Variants in ZMIZ1 observed in about 807,000 individuals in gnomAD.
ZMIZ1 encodes the protein zinc finger MIZ-type containing 1.
ZMIZ1 carries 17 observed loss-of-function variants against 113.9 expected under a neutral mutation model. The observed-to-expected ratio is 0.15, with a 90% confidence interval of 0.10 to 0.22. The LOEUF is 0.22. ZMIZ1 is among the 10% of genes least tolerant of loss of function. The pLI is 1.00. For synonymous variants in ZMIZ1, 607 were observed against 603.1 expected (o/e 1.01, Z -0.09); for missense variants, 1,059 against 1,477.8 (o/e 0.72, Z 4.65).
intron 1 of ZMIZ1, among the ~76,000 whole-genome samples, chr10:79,084,511 A>G (rs1842748363): frequency 6.6e-6 from 1 of 152,248 alleles, no homozygotes; most frequent in African/African-American, 2.4e-5. Context: ...GGATCAACCC[A>G]AGATGGCCAT....
At chr10:79,311,881 A>G (rs894779437) in intron 24 of ZMIZ1, among the ~76,000 whole-genome samples, 1 of 152,108 alleles carries the variant, frequency 6.6e-6, no homozygotes, top group Non-Finnish European at 1.5e-5. Context: ...AGCTGGTGCC[A>G]GACTCCGGGA....
In ZMIZ1 at chr10:79,307,538, C is replaced by T. The variant is rs151147481; in HGVS notation, c.2802C>T (p.Leu934=). The T allele has an allele frequency of 1.2e-3, 1,998 of 1,611,904 alleles. 15 individuals carry two copies. The highest frequency in any genetic ancestry group is 8.3e-3 in the South Asian group (754 of 90,948). ...PPDMPNNMAA[L]EKPLSHPMQE... is the part of the protein sequence containing the mutation. ...ACATGCCCAACAACATGGCCGCCCT[C>T]GAGAAACCCCTCAGCCACCCCATGC... The change falls in exon 23 of 25, where the codon CTC becomes CTT. Residue 934 remains leucine (L), a synonymous_variant. Transcript: ENST00000334512.
chr10:79,167,298 A>C (rs1846397194), intron 4 of ZMIZ1, among the ~76,000 whole-genome samples: 1 of 152,188 alleles, frequency 6.6e-6, no homozygotes. Context: ...GATATTTTAC[A>C]TTCTTCATCA....
chr10:79,311,720 G>C (rs1046381545), intron 24 of ZMIZ1, among the ~76,000 whole-genome samples: 1 of 152,128 alleles, frequency 6.6e-6, no homozygotes, highest in Non-Finnish European at 1.5e-5. Flanking sequence ...GTCACAGCCA[G>C]GGGCAGCAGG....
chr10:79,179,547 T>G (rs945023126), intron 4 of ZMIZ1, among the ~76,000 whole-genome samples: 1 of 152,236 alleles, frequency 6.6e-6, no homozygotes, highest in South Asian at 2.1e-4. Flanking sequence ...CCCAGCCACA[T>G]GCCCACTGTG....
intron 5 of ZMIZ1, among the ~76,000 whole-genome samples, chr10:79,205,242 A>T (rs1848267338): frequency 6.6e-6 from 1 of 152,188 alleles, no homozygotes; most frequent in African/African-American, 2.4e-5. Flanking sequence ...TCTGCCTATG[A>T]TTCAAACATG....
chr10:79,218,614 TC>T (rs1848835643), intron 7 of ZMIZ1, among the ~76,000 whole-genome samples: 1 of 151,714 alleles, frequency 6.6e-6, no homozygotes, highest in African/African-American at 2.4e-5. Context: ...TGTCTGTCTG[TC>T]TGTCTGTGTA....
At chr10:79,286,716 G>T (rs913926207) in intron 8 of ZMIZ1, among the ~76,000 whole-genome samples, 18 of 152,264 alleles carry the variant, frequency 1.2e-4, no homozygotes, top group Admixed American at 9.8e-4. Flanking sequence ...GACAAAACAG[G>T]AAGGAGCTGG....
intron 2 of ZMIZ1, among the ~76,000 whole-genome samples, chr10:79,134,138 G>C (rs895273870): frequency 5.9e-5 from 9 of 152,184 alleles, no homozygotes; most frequent in Non-Finnish European, 1.2e-4. Context: ...AGGCCCACCT[G>C]GGGGGTTCGA....
intron 4 of ZMIZ1, among the ~76,000 whole-genome samples, chr10:79,171,378 G>A (rs1332297275): frequency 1.3e-5 from 2 of 152,210 alleles, no homozygotes; most frequent in Non-Finnish European, 2.9e-5. Context: ...CCAGAGCTTT[G>A]TCTCCTTCCT....
At chr10:79,286,669 G>A (rs1419746077) in intron 8 of ZMIZ1, among the ~76,000 whole-genome samples, 1 of 152,250 alleles carries the variant, frequency 6.6e-6, no homozygotes. Context: ...TGGGAACGTT[G>A]GTTAGCTTTG....
intron 4 of ZMIZ1, among the ~76,000 whole-genome samples, chr10:79,172,581 C>G (rs1846645414): frequency 1.3e-5 from 2 of 152,326 alleles, no homozygotes; most frequent in South Asian, 4.1e-4. Flanking sequence ...TAGACAAAGT[C>G]TCCAGGTGCA....
intron 2 of ZMIZ1, among the ~76,000 whole-genome samples, chr10:79,126,064 C>T (rs765758400): frequency 7.9e-5 from 12 of 152,162 alleles, no homozygotes; most frequent in Non-Finnish European, 1.6e-4. Flanking sequence ...CACGGGAACC[C>T]GCAGACCTGG....
At chr10:79,233,492 A>G (rs1849475338) in intron 7 of ZMIZ1, among the ~76,000 whole-genome samples, 2 of 152,250 alleles carry the variant, frequency 1.3e-5, no homozygotes, top group Admixed American at 1.3e-4. Context: ...CACTGGTCCC[A>G]TTCATGAAGG....
chr10:79,253,840 A>G (rs755519142), intron 7 of ZMIZ1, among the ~76,000 whole-genome samples: 1 of 152,142 alleles, frequency 6.6e-6, no homozygotes, highest in Non-Finnish European at 1.5e-5. Context: ...GTGTGGATGC[A>G]TGGGCCTGCA....
At chr10:79,086,598 C>T (rs916433487) in intron 1 of ZMIZ1, among the ~76,000 whole-genome samples, 1 of 152,168 alleles carries the variant, frequency 6.6e-6, no homozygotes, top group African/African-American at 2.4e-5. Flanking sequence ...ACTGCAGTCT[C>T]GAACTCCTGG....
chr10:79,182,711 C>T (rs188113602), intron 4 of ZMIZ1, among the ~76,000 whole-genome samples: 31 of 152,310 alleles, frequency 2.0e-4, no homozygotes, highest in African/African-American at 6.7e-4. Context: ...GGAGTGGTTC[C>T]GAGCACAGCC....
At chr10:79,202,189 GAAAAAAAAAAAAA>G (rs58021590) in intron 5 of ZMIZ1, among the ~76,000 whole-genome samples, 3 of 52,636 alleles carry the variant, frequency 5.7e-5, no homozygotes, top group African/African-American at 1.3e-4. Flanking sequence ...CCCTGTCTCA[GAAAAAAAAAAAAA>G]AAAAAAAAAA....
chr10:79,131,877 T>C (rs1262530331), intron 2 of ZMIZ1, among the ~76,000 whole-genome samples: 1 of 152,312 alleles, frequency 6.6e-6, no homozygotes, highest in East Asian at 1.9e-4. Context: ...AGTGGTGCGG[T>C]GTGATCTTTG....
Sources: allele counts gnomAD v4.1 joint callset (sites outside exome capture counted in the v4.1 genomes callset), GRCh38; gene constraint gnomAD v4.1.1; transcripts MANE v1.5; gene names NCBI Gene and HGNC (gene_info 2026-07-23, HGNC 2026-07-21).